Variants in SMG8 observed in about 807,000 individuals in gnomAD.
The protein encoded by SMG8 is SMG8 nonsense mediated mRNA decay factor.
Under a neutral mutation model 82.1 loss-of-function variants are expected in SMG8, and 49 were observed. That is an observed-to-expected ratio of 0.60 (90% CI 0.47 to 0.76). The LOEUF (loss-of-function observed/expected upper bound fraction) is 0.76. Among genes scored for constraint, SMG8 ranks in the 30% least tolerant of loss-of-function variants. The probability of loss-of-function intolerance (pLI) is 0.00; values close to 1 mark genes in which losing one functional copy is unlikely to be tolerated. For synonymous variants in SMG8, 404 were observed against 430.0 expected (o/e 0.94, Z 0.75); for missense variants, 969 against 1,166.4 (o/e 0.83, Z 2.46).
chr17:59,213,535 T>C lies in SMG8; in HGVS notation c.2712T>C (p.Tyr904=), dbSNP rs776287577. ...AAGGTAGAGGGCTGAAACCTCATTA[T>C]GCTCAACTTATGAGGCTTTTTGTTG... ...SSQGRGLKPH[Y]AQLMRLFVVV... The change falls in exon 3 of 4, where the codon TAT becomes TAC. Residue 904 remains tyrosine (Y), a synonymous_variant. Coordinates refer to ENST00000300917, the MANE Select transcript of SMG8 (RefSeq NM_018149.7). 2 of 1,614,226 alleles carry C rather than the reference T, an allele frequency of 1.2e-6. No homozygotes were observed. Among genetic ancestry groups the C allele is most frequent in the Admixed American group, 1.7e-5 (1 of 60,020 alleles).
At chr17:59,212,579 A>G in intron 2 of SMG8, 93 bp downstream of exon 2, 1 of 1,506,028 alleles carries the variant, frequency 6.6e-7, no homozygotes, top group Non-Finnish European at 8.9e-7. Flanking sequence ...AGTAAGTAGA[A>G]AAGCAAATGC....
Position 59,211,620 on chromosome 17 carries a change from C to A in SMG8, c.1569C>A (p.Val523=), listed in dbSNP as rs776253641. The change falls in exon 1 of 4, where the codon GTC becomes GTA. Residue 523 remains valine (V), a synonymous_variant. Transcript: ENST00000300917. ...TGCCTCATAATTACACAATGACTGT[C>A]CATAAGAATCAGCTTGCCCAGGCTC... ...SNLPHNYTMT[V]HKNQLAQALR... 44 of 1,614,070 alleles carry A rather than the reference C, an allele frequency of 2.7e-5. No homozygotes were observed. Among genetic ancestry groups the A allele is most frequent in the Admixed American group, 6.7e-5 (4 of 59,986 alleles).
chr17:59,212,856 A>T lies in SMG8; in HGVS notation c.2033A>T (p.Lys678Ile). The T allele has an allele frequency of 6.2e-7, 1 of 1,614,090 alleles. No individual in the cohort carries two copies. The highest frequency in any genetic ancestry group is 8.5e-7 in the Non-Finnish European group (1 of 1,180,006). ...GCTCCTCCAGATTCGGATGCTGATA[A>T]ACTTAAAGAAAAAGAACCTCAAACC... ...SPAPPDSDAD[K>I]LKEKEPQTQG... Residue 678 changes from lysine to isoleucine, a missense_variant, in exon 3 of 4, where the codon AAA (lysine) becomes ATA (isoleucine). By Grantham distance (102) the Lys-to-Ile change is moderately radical (BLOSUM62 -3). Transcript: ENST00000300917.
Position 59,211,495 on chromosome 17 carries a change from A to G in SMG8, c.1444A>G (p.Ile482Val). 6.2e-7 allele frequency: 1 copy of G among 1,614,014 alleles called. No individual in the cohort carries two copies. The highest frequency in any genetic ancestry group is 8.5e-7 in the Non-Finnish European group (1 of 1,179,992). Reference protein sequence around the residue: ...GELTSKILSSIKVLEGFLDID... With the variant: ...GELTSKILSSVKVLEGFLDID... ...GCTAACATCTAAGATTTTAAGCAGT[A>G]TTAAAGTCTTGGAAGGATTTTTGGA... Residue 482 changes from isoleucine (I) to valine (V), a missense_variant, in exon 1 of 4, where the codon ATT (isoleucine) becomes GTT (valine). Ile to Val is a conservative substitution (Grantham distance 29). Coordinates refer to ENST00000300917, the MANE Select transcript of SMG8 (RefSeq NM_018149.7).
chr17:59,212,030 GGTAA>G (rs2046947949), intron 1 of SMG8: 3 of 443,830 alleles, frequency 6.8e-6, no homozygotes, highest in East Asian at 3.4e-5. Context: ...CTAGTGAATT[GGTAA>G]GTGAGAATTA....
chr17:59,213,119 T>C lies in SMG8; in HGVS notation c.2296T>C (p.Trp766Arg). 1 of 1,614,244 alleles carries C rather than the reference T, an allele frequency of 6.2e-7. No individual in the cohort carries two copies. The highest frequency in any genetic ancestry group is 8.5e-7 in the Non-Finnish European group (1 of 1,180,042). ...PKGLLPKFSS[W>R]SLVKLGPAKS... is the part of the protein sequence containing the mutation. Reference sequence around the variant, plus strand: ...AGGTCTCCTACCCAAATTCTCCAGCTGGTCTTTGGTTAAACTAGGCCCTGC... The same window carrying C: ...AGGTCTCCTACCCAAATTCTCCAGCCGGTCTTTGGTTAAACTAGGCCCTGC... The change falls in exon 3 of 4, where the codon TGG becomes CGG. Residue 766 changes from tryptophan (W) to arginine (R), a missense_variant. Physicochemically the swap from Trp to Arg is moderately radical, Grantham distance 101 (BLOSUM62 -3). Around this residue, in one of 3 missense-constraint regions of SMG8, gnomAD observed 662 missense variants for 884.8 expected, o/e 0.75. Coordinates refer to ENST00000300917, the MANE Select transcript of SMG8 (RefSeq NM_018149.7).
At position 59,210,828 on chromosome 17, in the gene SMG8, A is replaced by G; in HGVS notation, c.777A>G (p.Arg259=). ...PVGKDWKLNC[R]PCPPRLLFLF... ...GCAAAGACTGGAAGCTAAACTGCCGACCTTGCCCACCTAGACTCCTTTTCC... is the reference window on the plus strand; with the variant it reads ...GCAAAGACTGGAAGCTAAACTGCCGGCCTTGCCCACCTAGACTCCTTTTCC... The change falls in exon 1 of 4, where the codon CGA becomes CGG. Residue 259 remains arginine (R), a synonymous_variant. Coordinates refer to ENST00000300917, the MANE Select transcript of SMG8 (RefSeq NM_018149.7). 1 of 1,614,104 alleles carries G rather than the reference A, an allele frequency of 6.2e-7. No homozygotes were observed. Among genetic ancestry groups the G allele is most frequent in the Non-Finnish European group, 8.5e-7 (1 of 1,180,038 alleles).
intron 2 of SMG8, 78 bp downstream of exon 2, chr17:59,212,564 A>G (rs1813051487): frequency 6.5e-7 from 1 of 1,533,740 alleles, no homozygotes; most frequent in Non-Finnish European, 8.8e-7. Flanking sequence ...TATTTTCAAT[A>G]GCAGAGTAAG....
chr17:59,212,501 T>A lies in SMG8; in HGVS notation c.1905+15T>A, dbSNP rs199636121. 1.4e-4 allele frequency: 216 copies of A among 1,586,544 alleles called. No individual in the cohort carries two copies. Among genetic ancestry groups the A allele is most frequent in the Non-Finnish European group, 1.7e-4 (203 of 1,161,968 alleles). ...ACTTCTATCAGGTAGACTCTGAATTTTTTCTTCTTCCTCTTCTGTCTTTTT... is the reference window on the plus strand; with the variant it reads ...ACTTCTATCAGGTAGACTCTGAATTATTTCTTCTTCCTCTTCTGTCTTTTT... On this transcript the variant is annotated intron_variant, in intron 2 of 3. Transcript: ENST00000300917.
In SMG8 at chr17:59,211,071, G is replaced by T; in HGVS notation, c.1020G>T (p.Pro340=). The T allele has an allele frequency of 6.2e-7, 1 of 1,614,158 alleles. No individual in the cohort carries two copies. Among genetic ancestry groups the T allele is most frequent in the Non-Finnish European group, 8.5e-7 (1 of 1,180,030 alleles). The change falls in exon 1 of 4, where the codon CCG becomes CCT. Residue 340 remains proline (P), a synonymous_variant. Coordinates refer to ENST00000300917, the MANE Select transcript of SMG8 (RefSeq NM_018149.7). ...ACCAAGCTTTCGTGTACATAGTACCGGGAAGCCAGGAGGAGGACCCAGTAG... is the reference window on the plus strand; with the variant it reads ...ACCAAGCTTTCGTGTACATAGTACCTGGAAGCCAGGAGGAGGACCCAGTAG... ...PANQAFVYIV[P]GSQEEDPVGM... is the part of the protein sequence containing the mutation.
chr17:59,212,846 G>A lies in SMG8; in HGVS notation c.2023G>A (p.Asp675Asn). ...ATCCTCTCCTGCTCCTCCAGATTCG[G>A]ATGCTGATAAACTTAAAGAAAAAGA... Reference protein sequence around the residue: ...NESSPAPPDSDADKLKEKEPQ... With the variant: ...NESSPAPPDSNADKLKEKEPQ... The change falls in exon 3 of 4, where the codon GAT becomes AAT. Residue 675 changes from aspartate (D) to asparagine (N), a missense_variant. By Grantham distance (23) the Asp-to-Asn change is conservative. Coordinates refer to ENST00000300917, the MANE Select transcript of SMG8 (RefSeq NM_018149.7). 1.2e-6 allele frequency: 2 copies of A among 1,614,062 alleles called. No homozygotes were observed. Among genetic ancestry groups the A allele is most frequent in the Non-Finnish European group, 1.7e-6 (2 of 1,180,030 alleles).
chr17:59,212,325 CTGTTA>C lies in SMG8; in HGVS notation c.1760-14_1760-10del, dbSNP rs2046949265. On this transcript the variant is annotated splice_polypyrimidine_tract_variant and intron_variant, in intron 1 of 3. Transcript: ENST00000300917. ...ATTGTGTTTATGAAATTAATAGTGGCTGTTATATTTTCCAGGAGAAAAACCAGAGG... is the reference window on the plus strand; with the variant it reads ...ATTGTGTTTATGAAATTAATAGTGGCTATTTTCCAGGAGAAAAACCAGAGG... 1 of 1,548,486 alleles carries C rather than the reference CTGTTA, an allele frequency of 6.5e-7. No homozygotes were observed. Among genetic ancestry groups the C allele is most frequent in the Non-Finnish European group, 8.8e-7 (1 of 1,136,950 alleles).
rs1244106735 is a variant in SMG8 at position 59,214,796 on chromosome 17, GTTT to G, written c.2779-6_2779-4del. Reference sequence around the variant, plus strand: ...ATGTGAAAATAATTATACTACCTGTGTTTTTCAGGTTCAGCCAGGCCCACCACC... The same window carrying G: ...ATGTGAAAATAATTATACTACCTGTGTTCAGGTTCAGCCAGGCCCACCACC... On this transcript the variant is annotated splice_region_variant and splice_polypyrimidine_tract_variant and intron_variant, in intron 3 of 3. Transcript: ENST00000300917. 7 of 871,910 alleles carry G rather than the reference GTTT, an allele frequency of 8.0e-6. No homozygotes were observed. Among genetic ancestry groups the G allele is most frequent in the Non-Finnish European group, 1.4e-5 (7 of 501,380 alleles). 54.0% of individuals were successfully genotyped at this position (871,910 alleles called of 1,614,324 possible). A position where few individuals can be genotyped will look rare whatever the true frequency, so the allele number is the denominator to read the frequency against.
chr17:59,211,409 C>A lies in SMG8; in HGVS notation c.1358C>A (p.Ser453Ter). ...TATCAGAAGTGGATCTCAGCAGCTT[C>A]AAAACTGTATGAGGTGGCTATTGAT... ...PTYQKWISAA[S>*]KLYEVAIDGK... The change falls in exon 1 of 4, where the codon TCA (serine) becomes TAA (stop). Residue 453 changes from serine to a stop codon, truncating the protein, a stop_gained. Coordinates refer to ENST00000300917, the MANE Select transcript of SMG8 (RefSeq NM_018149.7). LOFTEE classifies it high-confidence loss of function. 1 of 1,614,176 alleles carries A rather than the reference C, an allele frequency of 6.2e-7. No homozygotes were observed. The highest frequency in any genetic ancestry group is 1.1e-5 in the South Asian group (1 of 91,072).
At position 59,210,567 on chromosome 17, in the gene SMG8, G is replaced by T; in HGVS notation, c.516G>T (p.Gly172=). 1 of 1,576,038 alleles carries T rather than the reference G, an allele frequency of 6.3e-7. No individual in the cohort carries two copies. The highest frequency in any genetic ancestry group is 8.6e-7 in the Non-Finnish European group (1 of 1,163,624). Reference sequence around the variant, plus strand: ...GGGCTTGTCGGGCTCTTCAGAGCGGGGAAGCTGGAGGTGGACTCTCTTTAC... The same window carrying T: ...GGGCTTGTCGGGCTCTTCAGAGCGGTGAAGCTGGAGGTGGACTCTCTTTAC... ...LLRACRALQS[G]EAGGGLSLPH... is the part of the protein sequence containing the mutation. The change falls in exon 1 of 4, where the codon GGG becomes GGT. Residue 172 remains glycine, a synonymous_variant. Transcript: ENST00000300917.
At position 59,211,038 on chromosome 17, in the gene SMG8, G is replaced by T; in HGVS notation, c.987G>T (p.Val329=). 1 of 1,614,196 alleles carries T rather than the reference G, an allele frequency of 6.2e-7. No individual in the cohort carries two copies. The highest frequency in any genetic ancestry group is 8.5e-7 in the Non-Finnish European group (1 of 1,180,038). ...TNQSINCLFT[V]PANQAFVYIV... ...AGAGCATCAACTGCCTCTTTACTGT[G>T]CCTGCCAACCAAGCTTTCGTGTACA... Residue 329 remains valine (V), a synonymous_variant, in exon 1 of 4, where the codon GTG becomes GTT. Transcript: ENST00000300917.
At position 59,211,242 on chromosome 17, in the gene SMG8, C is replaced by T; in HGVS notation, c.1191C>T (p.Ser397=). The T allele has an allele frequency of 6.2e-7, 1 of 1,614,208 alleles. No individual in the cohort carries two copies. The highest frequency in any genetic ancestry group is 8.5e-7 in the Non-Finnish European group (1 of 1,180,034). ...AACTTTCCTTTCACATTGACAGCAG[C>T]AGTTCCAGTTCTTCAGGCCAGCTAG... ...RQQLSFHIDS[S]SSSSSGQLVD... is the part of the protein sequence containing the mutation. Residue 397 remains serine, a synonymous_variant, in exon 1 of 4, where the codon AGC becomes AGT. Transcript: ENST00000300917.
chr17:59,213,845 G>T (rs373474787), intron 3 of SMG8, among the ~76,000 whole-genome samples: 2 of 151,988 alleles, frequency 1.3e-5, no homozygotes, highest in African/African-American at 4.8e-5. Context: ...ATTAAAAAAC[G>T]AATTATTTAA....
chr17:59,210,566 G>T lies in SMG8; in HGVS notation c.515G>T (p.Gly172Val). Residue 172 changes from glycine (G) to valine (V), a missense_variant, in exon 1 of 4, where the codon GGG (glycine) becomes GTG (valine). Physicochemically the swap from Gly to Val is moderately radical, Grantham distance 109. This residue lies in a region of SMG8 where 662 missense variants were observed against 884.8 expected (regional missense o/e 0.75). Coordinates refer to ENST00000300917, the MANE Select transcript of SMG8 (RefSeq NM_018149.7). ...CGGGCTTGTCGGGCTCTTCAGAGCG[G>T]GGAAGCTGGAGGTGGACTCTCTTTA... ...LLRACRALQS[G>V]EAGGGLSLPH... 1 of 1,576,282 alleles carries T rather than the reference G, an allele frequency of 6.3e-7. No homozygotes were observed. Among genetic ancestry groups the T allele is most frequent in the South Asian group, 1.2e-5 (1 of 83,930 alleles).
Sources: allele counts gnomAD v4.1 joint callset (sites outside exome capture counted in the v4.1 genomes callset), GRCh38; gene constraint gnomAD v4.1.1; regional missense constraint gnomAD v4.1.1; transcripts MANE v1.5; gene names NCBI Gene and HGNC (gene_info 2026-07-23, HGNC 2026-07-21).